Variants in CSTF3 observed in about 807,000 individuals in gnomAD.
CSTF3 encodes CF-1 77 kDa subunit.
In CSTF3, 29 loss-of-function variants were observed where a neutral mutation model predicts 105.8. The ratio of observed to expected loss-of-function variants is 0.27; its 90% CI spans 0.20 to 0.37. CSTF3 has a LOEUF of 0.37. Among genes scored for constraint, CSTF3 ranks in the 10% least tolerant of loss-of-function variants. CSTF3 has a pLI of 1.00. For synonymous variants in CSTF3, 252 were observed against 281.9 expected, an observed-to-expected ratio of 0.89 and a Z score of 1.06; for missense variants, 357 against 879.3, an observed-to-expected ratio of 0.41 and a Z score of 7.51.
At position 33,141,654 on chromosome 11, in the gene CSTF3, A is replaced by T; in HGVS notation, c.225+13T>A. On this transcript the variant is annotated intron_variant, in intron 3 of 20. Transcript: ENST00000323959. ...CAATACTGATATAAGAAAAAATAAA[A>T]TAAAATAGTAACCTCTGCTTCAATG... 6.2e-7 allele frequency: 1 copy of T among 1,604,992 alleles called. No individual in the cohort carries two copies. Among genetic ancestry groups the T allele is most frequent in the Non-Finnish European group, 8.5e-7 (1 of 1,176,926 alleles).
chr11:33,150,250 G>T (rs368030683), intron 1 of CSTF3, among the ~76,000 whole-genome samples: 1 of 144,686 alleles, frequency 6.9e-6, no homozygotes, highest in African/African-American at 2.6e-5. Context: ...GAAAAGAAAA[G>T]AAAAGAAAAC....
intron 1 of CSTF3, among the ~76,000 whole-genome samples, chr11:33,144,275 C>T (rs966068735): frequency 3.3e-5 from 5 of 152,050 alleles, no homozygotes; most frequent in African/African-American, 1.2e-4. Context: ...GCTTGCACCA[C>T]TGGTAAGCAT....
chr11:33,120,547 A>G (rs1355399101), intron 3 of CSTF3, among the ~76,000 whole-genome samples: 1 of 151,896 alleles, frequency 6.6e-6, no homozygotes, highest in African/African-American at 2.4e-5. Context: ...ACTTAATTCC[A>G]AAAATATTAT....
At chr11:33,116,972 A>G (rs550675218) in intron 3 of CSTF3, among the ~76,000 whole-genome samples, 2 of 152,030 alleles carry the variant, frequency 1.3e-5, no homozygotes, top group South Asian at 2.1e-4. Flanking sequence ...GAGTTGCTGT[A>G]AAGTTTACTT....
chr11:33,097,185 A>G (rs982151760), intron 13 of CSTF3, among the ~76,000 whole-genome samples: 13 of 152,228 alleles, frequency 8.5e-5, no homozygotes, highest in Non-Finnish European at 1.6e-4. Context: ...CACAAAATTC[A>G]CCCTTTACAA....
In CSTF3 at chr11:33,099,723, G is replaced by A. The variant is rs1855261069; in HGVS notation, c.827-6C>T. ...CTGTTCATAAGCAAACATAACTAAGGGAAGAAATTAACAAACAATATTCAA... is the reference window on the plus strand; with the variant it reads ...CTGTTCATAAGCAAACATAACTAAGAGAAGAAATTAACAAACAATATTCAA... On this transcript the variant is annotated splice_region_variant and splice_polypyrimidine_tract_variant and intron_variant, in intron 10 of 20. Transcript: ENST00000323959. This position sits in a 1 kb window ranked among gnomAD's most constrained non-coding sequence, Gnocchi z 4.1. 1.3e-6 allele frequency: 2 copies of A among 1,528,368 alleles called. No homozygotes were observed. The highest frequency in any genetic ancestry group is 1.8e-6 in the Non-Finnish European group (2 of 1,124,962). 94.7% of individuals were successfully genotyped at this position (1,528,368 alleles called of 1,614,324 possible). A position where few individuals can be genotyped will look rare whatever the true frequency, so the allele number is the denominator to read the frequency against.
intron 20 of CSTF3, 111 bp from the exon 21 acceptor site, chr11:33,085,400 T>C (rs1855094802): frequency 1.2e-6 from 1 of 857,502 alleles, no homozygotes; most frequent in South Asian, 2.0e-5. Flanking sequence ...AAACATGGGA[T>C]AGTACTACTG....
In CSTF3 at chr11:33,085,018, T is replaced by C. The variant is rs761543466; in HGVS notation, c.*69A>G. On this transcript the variant is annotated 3_prime_UTR_variant, in exon 21 of 21. Transcript: ENST00000323959. ...AAGAACCTTGTAACAAAGCGTTGTC[T>C]CTTTTAAACATACCACTTGAGGCAA... 4 of 1,521,582 alleles carry C rather than the reference T, an allele frequency of 2.6e-6. No homozygotes were observed. In the South Asian group the frequency reaches 4.5e-5, roughly 17 times the overall value. 94.3% of individuals were successfully genotyped at this position (1,521,582 alleles called of 1,614,324 possible). A position where few individuals can be genotyped will look rare whatever the true frequency, so the allele number is the denominator to read the frequency against.
At chr11:33,120,722 CAAT>C (rs996142729) in intron 3 of CSTF3, among the ~76,000 whole-genome samples, 1 of 151,754 alleles carries the variant, frequency 6.6e-6, no homozygotes, top group African/African-American at 2.4e-5. Context: ...AGCAGACATT[CAAT>C]AATAATTGCT....
chr11:33,115,913 T>A (rs1163362793), intron 3 of CSTF3, among the ~76,000 whole-genome samples: 1 of 152,166 alleles, frequency 6.6e-6, no homozygotes. Flanking sequence ...ATTCTGTCTA[T>A]AAAATTAAAA....
intron 19 of CSTF3, 50 bp downstream of exon 19, chr11:33,085,845 T>A: frequency 6.3e-7 from 1 of 1,589,534 alleles, no homozygotes; most frequent in Non-Finnish European, 8.6e-7. Flanking sequence ...TTATACACAA[T>A]TACTATGACC....
At chr11:33,159,762 CTG>C (rs1458935969) in intron 1 of CSTF3, among the ~76,000 whole-genome samples, 2 of 152,026 alleles carry the variant, frequency 1.3e-5, no homozygotes, top group Non-Finnish European at 2.9e-5. Context: ...GACAAAGACT[CTG>C]TTCTCAATCT....
At chr11:33,106,748 T>A (rs968242050) in intron 5 of CSTF3, among the ~76,000 whole-genome samples, 1 of 152,164 alleles carries the variant, frequency 6.6e-6, no homozygotes, top group African/African-American at 2.4e-5. Flanking sequence ...CTTGTGAGCT[T>A]ATCAAAAATA....
intron 3 of CSTF3, among the ~76,000 whole-genome samples, chr11:33,127,938 T>G (rs1855560050): frequency 6.6e-6 from 1 of 152,192 alleles, no homozygotes; most frequent in Non-Finnish European, 1.5e-5. Flanking sequence ...CACATGCAAA[T>G]TAACTTAAAT....
In CSTF3 at chr11:33,103,102, C is replaced by T; in HGVS notation, c.663+5G>A. 3 of 1,541,686 alleles carry T rather than the reference C, an allele frequency of 1.9e-6. No individual in the cohort carries two copies. The highest frequency in any genetic ancestry group is 2.6e-6 in the Non-Finnish European group (3 of 1,138,532). ...TCATTAAAATAGCCTGATGGAATTC[C>T]ATACCTTTGCTACACGTCTAGCATT... On this transcript the variant is annotated splice_donor_5th_base_variant and intron_variant, in intron 9 of 20. Transcript: ENST00000323959.
At chr11:33,142,664 A>G (rs1022210224) in intron 1 of CSTF3, among the ~76,000 whole-genome samples, 1 of 152,216 alleles carries the variant, frequency 6.6e-6, no homozygotes, top group Non-Finnish European at 1.5e-5. Context: ...GGTTTTATCA[A>G]TATTTACCAT....
At chr11:33,096,601 T>C (rs1855225309) in intron 14 of CSTF3, among the ~76,000 whole-genome samples, 193 bp from the exon 15 acceptor site, 1 of 152,222 alleles carries the variant, frequency 6.6e-6, no homozygotes, top group African/African-American at 2.4e-5. Flanking sequence ...GAAATAGTGA[T>C]TAATATAGTG....
At chr11:33,142,779 G>A (rs143488782) in intron 1 of CSTF3, among the ~76,000 whole-genome samples, 3 of 152,028 alleles carry the variant, frequency 2.0e-5, no homozygotes, top group South Asian at 2.1e-4. Flanking sequence ...TAAGAATGTC[G>A]CTTTTTACGT....
intron 3 of CSTF3, among the ~76,000 whole-genome samples, chr11:33,130,319 A>G (rs1284267692): frequency 1.3e-5 from 2 of 151,982 alleles, no homozygotes; most frequent in Admixed American, 6.6e-5. Flanking sequence ...CTAAAGATAC[A>G]AAAATTAGCC....
Sources: allele counts gnomAD v4.1 joint callset (sites outside exome capture counted in the v4.1 genomes callset), GRCh38; gene constraint gnomAD v4.1.1; non-coding constraint Gnocchi (gnomAD v3.1); transcripts MANE v1.5; gene names NCBI Gene and HGNC (gene_info 2026-07-23, HGNC 2026-07-21).